RRP12: variants seen among roughly 807,000 people sequenced by gnomAD.
The protein encoded by RRP12 is ribosomal RNA processing 12 homolog.
A neutral mutation model predicts 157.3 loss-of-function variants in RRP12; 78 were observed. That is an observed-to-expected ratio of 0.50 (90% confidence interval 0.41 to 0.60). The LOEUF is 0.60. RRP12 is among the 20% of genes least tolerant of loss of function. The pLI, the probability that RRP12 is intolerant of heterozygous loss-of-function variation, is 0.00. For synonymous variants in RRP12, 726 were observed against 670.9 expected, an observed-to-expected ratio of 1.08 and a Z score of -1.27; for missense variants, 1,521 against 1,679.9, an observed-to-expected ratio of 0.91 and a Z score of 1.65.
chr10:97,371,140 A>G (rs1206555115), intron 20 of RRP12, 59 bp from the exon 21 acceptor site: 1 of 1,556,864 alleles, frequency 6.4e-7, no homozygotes, highest in South Asian at 1.1e-5. Flanking sequence ...AATGCTATCC[A>G]CGGAGCATCC....
At chr10:97,374,169 T>C (rs191931368) in intron 15 of RRP12, among the ~76,000 whole-genome samples, 46 of 152,236 alleles carry the variant, frequency 3.0e-4, no homozygotes, top group African/African-American at 1.1e-3. Context: ...CCAATTTTTT[T>C]TGTTTGTTTG....
chr10:97,391,648 G>T (rs984500181), intron 4 of RRP12, among the ~76,000 whole-genome samples: 1 of 151,140 alleles, frequency 6.6e-6, no homozygotes, highest in African/African-American at 2.4e-5. Context: ...TCGGCCGGAC[G>T]CAGTGGCTCA....
Position 97,366,842 on chromosome 10 carries a change from C to T in RRP12, c.3115G>A (p.Glu1039Lys), listed in dbSNP as rs771166667. 6.2e-7 allele frequency: 1 copy of T among 1,614,224 alleles called. No individual in the cohort carries two copies. The highest frequency in any genetic ancestry group is 8.5e-7 in the Non-Finnish European group (1 of 1,180,030). ...HRVLVNIRKA[E>K]ARAKRHRALS... ...GCTCGGTGCCTCTTGGCCCGGGCCT[C>T]AGCTTTCCGGATGTTGACCAGGACT... Residue 1039 changes from glutamate (E) to lysine (K), a missense_variant, in exon 27 of 34, where the codon GAG becomes AAG. Coordinates refer to ENST00000370992, the MANE Select transcript of RRP12 (RefSeq NM_015179.4).
chr10:97,382,186 C>CTTT (rs112456718), intron 10 of RRP12, among the ~76,000 whole-genome samples: 5 of 149,238 alleles, frequency 3.4e-5, no homozygotes, highest in African/African-American at 2.5e-5. Flanking sequence ...CTTCTGCTAA[C>CTTT]TTTTTTTTTT....
Position 97,367,021 on chromosome 10 carries a change from C to A in RRP12, c.3047+20G>T. ...CGGCCCCTCGCTTGCCCTACCCCCGCCCCTGCTCAGTGCACAGACCCAAAC... is the reference window on the plus strand; with the variant it reads ...CGGCCCCTCGCTTGCCCTACCCCCGACCCTGCTCAGTGCACAGACCCAAAC... On this transcript the variant is annotated intron_variant, in intron 26 of 33. Coordinates refer to ENST00000370992, the MANE Select transcript of RRP12 (RefSeq NM_015179.4). 3 of 1,613,524 alleles carry A rather than the reference C, an allele frequency of 1.9e-6. No individual in the cohort carries two copies. The East Asian group carries it at 6.7e-5, about 36-fold the overall frequency.
intron 15 of RRP12, among the ~76,000 whole-genome samples, chr10:97,375,896 G>A (rs948894326): frequency 8.5e-5 from 13 of 152,172 alleles, no homozygotes; most frequent in African/African-American, 3.1e-4. Flanking sequence ...TTGAGGTCAG[G>A]AGTCCGAGAC....
At chr10:97,394,394 GAGAT>G (rs1397206148) in intron 3 of RRP12, among the ~76,000 whole-genome samples, 3 of 152,104 alleles carry the variant, frequency 2.0e-5, no homozygotes, top group African/African-American at 4.8e-5. Context: ...TATATATACA[GAGAT>G]AGATAGATAG....
At position 97,390,501 on chromosome 10, in the gene RRP12, G is replaced by C; in HGVS notation, c.675C>G (p.Asp225Glu). The part of the protein sequence containing the change: ...SCLATLLRKQ[D>E]LEAWGYPVTL... ...TCACGGGGTAGCCCCAGGCCTCCAG[G>C]TCTTGCTTCCGCAGAAGGGTGGCCA... Residue 225 changes from aspartate (D) to glutamate (E), a missense_variant, in exon 6 of 34, where the codon GAC becomes GAG. Asp to Glu is a conservative substitution (Grantham distance 45). Transcript: ENST00000370992. 6.2e-7 allele frequency: 1 copy of C among 1,614,076 alleles called. No homozygotes were observed. The highest frequency in any genetic ancestry group is 1.1e-5 in the South Asian group (1 of 91,084).
intron 29 of RRP12, among the ~76,000 whole-genome samples, chr10:97,364,909 C>T (rs1395361064): frequency 6.6e-6 from 1 of 152,024 alleles, no homozygotes; most frequent in African/African-American, 2.4e-5. Flanking sequence ...TCAGGAATGC[C>T]TGGGCACCAA....
chr10:97,367,087 G>A lies in RRP12; in HGVS notation c.3001C>T (p.Arg1001Cys), dbSNP rs1180948672. 2 of 1,614,182 alleles carry A rather than the reference G, an allele frequency of 1.2e-6. No homozygotes were observed. Among genetic ancestry groups the A allele is most frequent in the Admixed American group, 3.3e-5 (2 of 60,014 alleles). The change falls in exon 26 of 34, where the codon CGC (arginine) becomes TGC (cysteine). Residue 1001 changes from arginine (R) to cysteine (C), a missense_variant. Transcript: ENST00000370992. The part of the protein sequence containing the change: ...KLSDDMRRHF[R>C]MKLRNLFTKF... ...GTGAACAGGTTCCGAAGCTTCATGC[G>A]GAAGTGCCGCCGCATGTCATCTGAA...
chr10:97,365,548 C>T (rs954600971), intron 29 of RRP12, among the ~76,000 whole-genome samples: 1 of 152,096 alleles, frequency 6.6e-6, no homozygotes, highest in African/African-American at 2.4e-5. Flanking sequence ...GCTAGGATTA[C>T]AGGCGTGAGC....
At chr10:97,370,613 G>A (rs900618032) in intron 22 of RRP12, 53 bp from the exon 23 acceptor site, 4 of 1,587,102 alleles carry the variant, frequency 2.5e-6, no homozygotes, top group Non-Finnish European at 2.6e-6. Context: ...TGCCCGGGAA[G>A]CGAATCGAGT....
intron 33 of RRP12, among the ~76,000 whole-genome samples, chr10:97,357,656 G>A (rs1399440062): frequency 2.0e-5 from 3 of 152,100 alleles, no homozygotes; most frequent in African/African-American, 4.8e-5. Flanking sequence ...ATTATACAAA[G>A]CTATTAAAAA....
At position 97,360,281 on chromosome 10, in the gene RRP12, G is replaced by T. The variant is rs571512151; in HGVS notation, c.3640+265C>A. Among the ~76,000 whole-genome samples, 3 of 152,328 alleles carry T rather than the reference G, an allele frequency of 2.0e-5. No homozygotes were observed. The South Asian group carries it at 6.2e-4, about 32-fold the overall frequency. On this transcript the variant is annotated intron_variant, in intron 31 of 33. Coordinates refer to ENST00000370992, the MANE Select transcript of RRP12 (RefSeq NM_015179.4). ...CAAGCCTCTTGGGAGGCCTGGGCGG[G>T]TGGGAAGGAGCTGTGGCTCAGGGCT...
rs200702548 is a variant in RRP12, at chr10:97,401,064, C to G, written c.139+29G>C. ...CCAGGTCTGCCTGGAACCCCGCCCCCGGCTGCGCTCGGGTCTCAACCCAGC... is the reference window on the plus strand; with the variant it reads ...CCAGGTCTGCCTGGAACCCCGCCCCGGGCTGCGCTCGGGTCTCAACCCAGC... On this transcript the variant is annotated intron_variant, in intron 1 of 33. Coordinates refer to ENST00000370992, the MANE Select transcript of RRP12 (RefSeq NM_015179.4). 147 of 1,608,774 alleles carry G rather than the reference C, an allele frequency of 9.1e-5. No homozygotes were observed. In the African/African-American group the frequency reaches 1.5e-3, roughly 16 times the overall value.
At position 97,366,208 on chromosome 10, in the gene RRP12, G is replaced by A. The variant is rs1466364129; in HGVS notation, c.3417C>T (p.Gly1139=). 2.5e-6 allele frequency: 4 copies of A among 1,611,332 alleles called. No homozygotes were observed. The highest frequency in any genetic ancestry group is 1.3e-5 in the African/African-American group (1 of 74,792). The change falls in exon 29 of 34, where the codon GGC becomes GGT. Residue 1139 remains glycine, a synonymous_variant. Coordinates refer to ENST00000370992, the MANE Select transcript of RRP12 (RefSeq NM_015179.4). Reference sequence around the variant, plus strand: ...CCTTGAAGCCGTGGTCCTTCTTCCTGCCCCGGCCTGGCCCTGGCTGCGTGG... The same window carrying A: ...CCTTGAAGCCGTGGTCCTTCTTCCTACCCCGGCCTGGCCCTGGCTGCGTGG... ...VLATQPGPGR[G]RKKDHGFKVS...
At chr10:97,391,235 T>C (rs979331122) in intron 4 of RRP12, among the ~76,000 whole-genome samples, 1 of 152,196 alleles carries the variant, frequency 6.6e-6, no homozygotes, top group Non-Finnish European at 1.5e-5. Flanking sequence ...GGACCTTATG[T>C]TGTAGAATGC....
chr10:97,390,347 T>A (rs1325104977), intron 6 of RRP12, 76 bp downstream of exon 6: 12 of 1,132,482 alleles, frequency 1.1e-5, no homozygotes, highest in Middle Eastern at 2.5e-4. Flanking sequence ...GCCACTCAGC[T>A]AGCCAAGTCT....
In RRP12 at chr10:97,357,211, AACGGAAGGGTCACATC is replaced by A; in HGVS notation, c.3792-31_3792-16del. 1.3e-6 allele frequency: 2 copies of A among 1,540,702 alleles called. No individual in the cohort carries two copies. Among genetic ancestry groups the A allele is most frequent in the Non-Finnish European group, 1.8e-6 (2 of 1,117,674 alleles). On this transcript the variant is annotated splice_polypyrimidine_tract_variant and intron_variant, in intron 33 of 33. Transcript: ENST00000370992. ...TCATCTTCTTCCTGCAGGGCCAAGG[AACGGAAGGGTCACATC>A]TGGCTGAGAATAGGAGGCCCCCTCC...
Sources: allele counts gnomAD v4.1 joint callset (sites outside exome capture counted in the v4.1 genomes callset), GRCh38; gene constraint gnomAD v4.1.1; transcripts MANE v1.5; gene names NCBI Gene and HGNC (gene_info 2026-07-23, HGNC 2026-07-21).